The following BFSP1 variants were observed in gnomAD, a reference collection of about 807,000 sequenced individuals.
BFSP1 encodes the protein beaded filament structural protein 1.
BFSP1 carries 38 observed loss-of-function variants against 43.9 expected under a neutral mutation model. That is an observed-to-expected ratio of 0.87 (90% CI 0.67 to 1.14). The LOEUF (loss-of-function observed/expected upper bound fraction) is 1.14. Among genes scored for constraint, BFSP1 ranks in the 50% most tolerant of loss-of-function variants. BFSP1 has a pLI of 0.00. For missense variants in BFSP1, 850 were observed against 875.1 expected, an observed-to-expected ratio of 0.97 and a Z score of 0.36; for synonymous variants, 352 against 354.8, an observed-to-expected ratio of 0.99 and a Z score of 0.09.
At chr20:17,563,834 G>A (rs770189427), upstream of BFSP1, among the ~76,000 whole-genome samples, 21 of 149,610 alleles carry the variant, frequency 1.4e-4, no homozygotes, top group African/African-American at 5.0e-4. Flanking sequence ...TGAAGTGAGC[G>A]GTGATCGTGC....
At chr20:17,524,473 T>C (rs73262332) in intron 2 of BFSP1, among the ~76,000 whole-genome samples, 2,130 of 152,266 alleles carry the variant, frequency 0.014, 51 homozygotes, top group African/African-American at 0.049. Context: ...TCTTAGCCAA[T>C]AGGACAGAGG....
At chr20:17,558,454 AC>A (rs2035031502) in intron 1 of BFSP1, among the ~76,000 whole-genome samples, 1 of 152,178 alleles carries the variant, frequency 6.6e-6, no homozygotes, top group Non-Finnish European at 1.5e-5. Context: ...CACTTTATTT[AC>A]CGAATATGCA....
upstream of BFSP1, among the ~76,000 whole-genome samples, chr20:17,563,780 A>G (rs1269462722): frequency 6.6e-6 from 1 of 151,290 alleles, no homozygotes; most frequent in Admixed American, 6.6e-5. Flanking sequence ...TAGCTACTTG[A>G]CAGGCTGAGG....
intron 7 of BFSP1, among the ~76,000 whole-genome samples, chr20:17,496,265 A>G (rs1211346590): frequency 6.6e-6 from 1 of 152,256 alleles, no homozygotes; most frequent in African/African-American, 2.4e-5. Flanking sequence ...CCTCTGAGCT[A>G]TCTGGAAATA....
chr20:17,495,083 A>G (rs757109411), intron 7 of BFSP1, 54 bp from the exon 8 acceptor site: 4 of 1,495,784 alleles, frequency 2.7e-6, no homozygotes, highest in Non-Finnish European at 3.6e-6. Context: ...AGAGAGAAAG[A>G]AAATACGCTG....
intron 1 of BFSP1, among the ~76,000 whole-genome samples, chr20:17,543,604 G>T (rs2034754243): frequency 6.6e-6 from 1 of 152,140 alleles, no homozygotes; most frequent in African/African-American, 2.4e-5. Flanking sequence ...TTTCCATTGG[G>T]TGAATGCAGA....
intron 1 of BFSP1, among the ~76,000 whole-genome samples, chr20:17,550,351 T>C (rs1433295961): frequency 6.6e-6 from 1 of 152,202 alleles, no homozygotes; most frequent in Non-Finnish European, 1.5e-5. Flanking sequence ...AGTTAAGCTA[T>C]ATCTACCTGT....
intron 5 of BFSP1, among the ~76,000 whole-genome samples, chr20:17,500,708 C>T (rs1167840995): frequency 6.6e-6 from 1 of 152,156 alleles, no homozygotes; most frequent in African/African-American, 2.4e-5. Context: ...CCGCAGCCTC[C>T]TACAGCTCAC....
chr20:17,559,236 A>AAAC (rs371437198), upstream of BFSP1, among the ~76,000 whole-genome samples: 3,632 of 152,096 alleles, frequency 0.024, 118 homozygotes, highest in African/African-American at 0.08. Flanking sequence ...TGCCATTAAA[A>AAAC]AACAACAACA....
chr20:17,554,097 T>C (rs1184663743), intron 1 of BFSP1, among the ~76,000 whole-genome samples: 1 of 151,622 alleles, frequency 6.6e-6, no homozygotes, highest in Non-Finnish European at 1.5e-5. Context: ...AGTGCCAAAG[T>C]TGACTCAAGA....
At chr20:17,528,099 A>G (rs927873679) in intron 1 of BFSP1, among the ~76,000 whole-genome samples, 1 of 151,972 alleles carries the variant, frequency 6.6e-6, no homozygotes, top group African/African-American at 2.4e-5. Flanking sequence ...CCATCAACTC[A>G]CCTCTGGAAT....
At chr20:17,497,607 C>CAT (rs1201113951) in intron 6 of BFSP1, among the ~76,000 whole-genome samples, 17 of 107,932 alleles carry the variant, frequency 1.6e-4, no homozygotes, top group African/African-American at 5.7e-4. Flanking sequence ...TATATATATA[C>CAT]GTATATATAC....
intron 1 of BFSP1, among the ~76,000 whole-genome samples, chr20:17,552,345 C>G (rs2034908473): frequency 6.6e-6 from 1 of 152,126 alleles, no homozygotes; most frequent in South Asian, 2.1e-4. Context: ...CAGAGGCCAT[C>G]ATGGCAAGAG....
chr20:17,553,872 CAT>C (rs33974639), intron 1 of BFSP1, among the ~76,000 whole-genome samples: 15 of 62,990 alleles, frequency 2.4e-4, no homozygotes, highest in Admixed American at 1.3e-3. Flanking sequence ...CATATATATA[CAT>C]ATATATATAT....
At chr20:17,532,114 T>C (rs1327589909), upstream of BFSP1, among the ~76,000 whole-genome samples, 3 of 152,114 alleles carry the variant, frequency 2.0e-5, no homozygotes, top group African/African-American at 4.8e-5. Flanking sequence ...AAAAAACAAA[T>C]AGAGCCCCAC....
chr20:17,516,547 A>G (rs2034205256), intron 2 of BFSP1, among the ~76,000 whole-genome samples: 1 of 152,188 alleles, frequency 6.6e-6, no homozygotes, highest in African/African-American at 2.4e-5. Context: ...CATGGAGCCT[A>G]CAGAGAAGGT....
chr20:17,500,063 C>T (rs1051122536), intron 5 of BFSP1, among the ~76,000 whole-genome samples: 1 of 152,178 alleles, frequency 6.6e-6, no homozygotes, highest in Non-Finnish European at 1.5e-5. Flanking sequence ...AGATAAGATG[C>T]TACCTTTATT....
At chr20:17,565,060 G>GA (rs113278870) in intron 1 of BFSP1, among the ~76,000 whole-genome samples, 11 of 146,662 alleles carry the variant, frequency 7.5e-5, no homozygotes, top group South Asian at 2.1e-4. Flanking sequence ...AACAAAGTAA[G>GA]AAAAAAAAAA....
At chr20:17,530,566 G>A (rs991862436) in intron 1 of BFSP1, among the ~76,000 whole-genome samples, 3 of 152,338 alleles carry the variant, frequency 2.0e-5, no homozygotes, top group Non-Finnish European at 4.4e-5. Context: ...GGGCAAAGGG[G>A]ACTGACTGGG....
Sources: allele counts gnomAD v4.1 joint callset (sites outside exome capture counted in the v4.1 genomes callset), GRCh38; gene constraint gnomAD v4.1.1; transcripts MANE v1.5; gene names NCBI Gene and HGNC (gene_info 2026-07-23, HGNC 2026-07-21).